C10orf90: variants seen among roughly 807,000 people sequenced by gnomAD.
C10orf90 encodes (E2-independent) E3 ubiquitin-conjugating enzyme FATS.
In C10orf90, 56 loss-of-function variants were observed where a neutral mutation model predicts 62.5. The ratio of observed to expected loss-of-function variants is 0.90; its 90% CI spans 0.72 to 1.12. The LOEUF (loss-of-function observed/expected upper bound fraction) is 1.12. Among genes scored for constraint, C10orf90 ranks in the 50% most tolerant of loss-of-function variants. The pLI is 0.00. For synonymous variants in C10orf90, 386 were observed against 340.4 expected (o/e 1.13, Z -1.47); for missense variants, 970 against 880.4 (o/e 1.10, Z -1.29).
intron 2 of C10orf90, among the ~76,000 whole-genome samples, chr10:126,555,351 T>G (rs984114849): frequency 6.6e-6 from 1 of 152,080 alleles, no homozygotes; most frequent in South Asian, 2.1e-4. Context: ...GGTTGATATA[T>G]TAATTTATAT....
chr10:126,563,775 C>T (rs190074967), intron 2 of C10orf90, among the ~76,000 whole-genome samples: 17 of 152,294 alleles, frequency 1.1e-4, no homozygotes, highest in African/African-American at 3.8e-4. Context: ...GAGGAATTGG[C>T]GGCGGCAGCT....
chr10:126,665,744 G>A (rs1452794583), intron 1 of C10orf90, among the ~76,000 whole-genome samples: 6 of 152,178 alleles, frequency 3.9e-5, no homozygotes, highest in African/African-American at 1.4e-4. Flanking sequence ...AAACTCAGCT[G>A]AGCCTGGGGT....
chr10:126,615,269 C>A (rs568842550), intron 2 of C10orf90, among the ~76,000 whole-genome samples: 44 of 152,280 alleles, frequency 2.9e-4, no homozygotes, highest in African/African-American at 1.1e-3. Context: ...AGGAACTACC[C>A]AAGGGTGTGG....
intron 1 of C10orf90, among the ~76,000 whole-genome samples, chr10:126,660,265 T>A (rs80047597): frequency 1.5e-3 from 226 of 152,314 alleles, no homozygotes; most frequent in Non-Finnish European, 2.2e-3. Flanking sequence ...TTTACTGACA[T>A]AATTAAGGCT....
In C10orf90 at chr10:126,445,972, A is replaced by G. The variant is rs548829579; in HGVS notation, c.2188+13068T>C. Among the ~76,000 whole-genome samples the G allele has an allele frequency of 1.4e-4, 21 of 152,072 alleles. No individual in the cohort carries two copies. The East Asian group carries it at 2.7e-3, about 20-fold the overall frequency. ...CTAAGCTATGAGGATGCAAAGCCAT[A>G]AGAATTAAACAATGGGCTTTGGGGT... On this transcript the variant is annotated intron_variant, in intron 7 of 9. Coordinates refer to ENST00000488181, the MANE Select transcript of C10orf90 (RefSeq NM_001350921.2).
chr10:126,490,334 C>T (rs1410141098), intron 4 of C10orf90, among the ~76,000 whole-genome samples: 1 of 151,362 alleles, frequency 6.6e-6, no homozygotes, highest in African/African-American at 2.4e-5. Context: ...CATTCACAGA[C>T]AGAAAGCAGA....
chr10:126,654,293 C>A (rs555174518), intron 1 of C10orf90, among the ~76,000 whole-genome samples: 1 of 152,324 alleles, frequency 6.6e-6, no homozygotes, highest in South Asian at 2.1e-4. Context: ...CATTGAAAAT[C>A]TGTTGTTTAG....
intron 2 of C10orf90, among the ~76,000 whole-genome samples, chr10:126,618,631 G>C (rs1292431766): frequency 6.6e-6 from 1 of 151,952 alleles, no homozygotes; most frequent in Admixed American, 6.6e-5. Context: ...AATGACCTCA[G>C]TTCCTTTTAC....
At chr10:126,650,417 T>C (rs771443880) in intron 1 of C10orf90, among the ~76,000 whole-genome samples, 1 of 152,178 alleles carries the variant, frequency 6.6e-6, no homozygotes, top group South Asian at 2.1e-4. Flanking sequence ...GGAGCTATCA[T>C]TGAGGGCAAT....
chr10:126,572,947 A>C (rs911245420), intron 2 of C10orf90, among the ~76,000 whole-genome samples: 6 of 152,120 alleles, frequency 3.9e-5, no homozygotes, highest in Non-Finnish European at 7.3e-5. Context: ...CCATAAAAAC[A>C]GTCAACTCTG....
At chr10:126,485,803 C>A (rs529570297) in intron 4 of C10orf90, among the ~76,000 whole-genome samples, 1 of 151,472 alleles carries the variant, frequency 6.6e-6, no homozygotes, top group Non-Finnish European at 1.5e-5. Flanking sequence ...AAAAATTAGC[C>A]GGGCGTCGTG....
In C10orf90 at chr10:126,425,752, G is replaced by C. The variant is rs1857223537; in HGVS notation, c.*112C>G. 2.6e-6 allele frequency: 3 copies of C among 1,151,108 alleles called. No individual in the cohort carries two copies. The South Asian group carries it at 4.9e-5, about 19-fold the overall frequency. The allele number at this position is 1,151,108 out of a possible 1,614,324, so 71.3% of individuals were successfully genotyped here. On this transcript the variant is annotated 3_prime_UTR_variant, in exon 10 of 10. Transcript: ENST00000488181. ...TTTTCCTTTATGGAAAAAAAAAATC[G>C]AAAGTAAAATAAGTGTTTTCCCATG...
chr10:126,580,893 C>G (rs896713464), intron 2 of C10orf90, among the ~76,000 whole-genome samples: 6 of 152,048 alleles, frequency 3.9e-5, no homozygotes, highest in Non-Finnish European at 7.4e-5. Context: ...TCCTCCCTCC[C>G]TCTACCCATA....
intron 2 of C10orf90, among the ~76,000 whole-genome samples, chr10:126,626,627 A>C (rs1845748908): frequency 6.6e-6 from 1 of 152,228 alleles, no homozygotes; most frequent in Admixed American, 6.5e-5. Flanking sequence ...CAGTAAGGAG[A>C]AATAATGATT....
At chr10:126,532,529 T>C (rs1419309717) in intron 2 of C10orf90, among the ~76,000 whole-genome samples, 1 of 151,898 alleles carries the variant, frequency 6.6e-6, no homozygotes, top group African/African-American at 2.4e-5. Context: ...TAAGTAAGGT[T>C]TGGACTCATA....
chr10:126,530,341 A>T lies in C10orf90; in HGVS notation c.314-16402T>A, dbSNP rs1038552954. On this transcript the variant is annotated intron_variant, in intron 2 of 9. Coordinates refer to ENST00000488181, the MANE Select transcript of C10orf90 (RefSeq NM_001350921.2). ...GGCAGTTCTTAAAAAAAAACAAATC[A>T]GTCAAGAAAAAAATTTAAAACACAC... is the stretch of plus-strand genomic sequence containing the variant. 9.9e-5 allele frequency among the ~76,000 whole-genome samples: 15 copies of T among 152,274 alleles called. No individual in the cohort carries two copies. The East Asian group carries it at 1.9e-3, about 20-fold the overall frequency.
intron 7 of C10orf90, among the ~76,000 whole-genome samples, chr10:126,432,279 G>A (rs183040616): frequency 3.3e-5 from 5 of 152,294 alleles, no homozygotes; most frequent in Admixed American, 3.3e-4. Context: ...TGCAGAAATT[G>A]TGTTTTGGGA....
chr10:126,599,182 C>CTTTT (rs755259124), intron 2 of C10orf90, among the ~76,000 whole-genome samples: 2 of 128,246 alleles, frequency 1.6e-5, no homozygotes, highest in African/African-American at 3.1e-5. Flanking sequence ...GGTTCCACTC[C>CTTTT]TTTTTTTTTT....
intron 1 of C10orf90, among the ~76,000 whole-genome samples, chr10:126,665,060 C>A (rs1316227285): frequency 6.6e-6 from 1 of 152,214 alleles, no homozygotes; most frequent in Non-Finnish European, 1.5e-5. Context: ...CAGCACCCAC[C>A]AGACAGCAGG....
Sources: gnomAD v4.1 joint callset for allele counts (sites outside exome capture counted in the v4.1 genomes callset) on GRCh38, gnomAD v4.1.1 for gene constraint, MANE v1.5 for transcripts, NCBI Gene and HGNC (gene_info 2026-07-23, HGNC 2026-07-21) for gene names.